The following SLC30A9 variants were observed in gnomAD, a reference collection of about 807,000 sequenced individuals.
SLC30A9 encodes the protein proton-coupled zinc antiporter SLC30A9, mitochondrial.
SLC30A9 carries 58 observed loss-of-function variants against 87.5 expected under a neutral mutation model. The observed-to-expected ratio is 0.66, with a 90% CI of 0.54 to 0.82. The LOEUF (loss-of-function observed/expected upper bound fraction) is 0.82, where lower values mean the gene tolerates loss of function less well. Among genes scored for constraint, SLC30A9 ranks in the 40% least tolerant of loss-of-function variants. SLC30A9 has a pLI of 0.00. For missense variants in SLC30A9, 557 were observed against 679.1 expected (o/e 0.82, Z 2.00); for synonymous variants, 234 against 233.0 (o/e 1.00, Z -0.04).
Position 42,037,817 on chromosome 4 carries a change from A to G in SLC30A9, c.670-1169A>G, listed in dbSNP as rs533616093. The stretch of plus-strand genomic sequence containing the variant: ...TTTTATTTTATTTTTGAGACAGAGT[A>G]TTGCTGTGTTGCCCACGATCTCAGC... On this transcript the variant is annotated intron_variant, in intron 7 of 17. Coordinates refer to ENST00000264451, the MANE Select transcript of SLC30A9 (RefSeq NM_006345.4). 2.6e-5 allele frequency among the ~76,000 whole-genome samples: 4 copies of G among 152,202 alleles called. No individual in the cohort carries two copies. The East Asian group carries it at 7.7e-4, about 29-fold the overall frequency.
chr4:42,010,728 A>G (rs1715403728), intron 2 of SLC30A9, among the ~76,000 whole-genome samples: 1 of 152,212 alleles, frequency 6.6e-6, no homozygotes, highest in African/African-American at 2.4e-5. Flanking sequence ...GTGAATACAT[A>G]CTTTGAGGCA....
At chr4:42,070,304 A>C (rs1419097973) in intron 14 of SLC30A9, 2 of 420,978 alleles carry the variant, frequency 4.8e-6, no homozygotes, top group Admixed American at 7.4e-5. Context: ...TACAAGTAAG[A>C]GATCTTAATT....
intron 8 of SLC30A9, among the ~76,000 whole-genome samples, chr4:42,043,060 AC>A (rs1716988113): frequency 6.6e-6 from 1 of 152,066 alleles, no homozygotes; most frequent in African/African-American, 2.4e-5. Flanking sequence ...CCACACAAAA[AC>A]CCCATCCAAA....
intron 2 of SLC30A9, among the ~76,000 whole-genome samples, chr4:42,007,616 G>A (rs919548214): frequency 4.7e-5 from 7 of 149,990 alleles, no homozygotes; most frequent in Non-Finnish European, 7.4e-5. Context: ...CCGGAGCCGG[G>A]CATGGTGGCA....
intron 11 of SLC30A9, among the ~76,000 whole-genome samples, chr4:42,063,784 C>T (rs910053924): frequency 6.6e-6 from 1 of 152,008 alleles, no homozygotes; most frequent in African/African-American, 2.4e-5. Flanking sequence ...TTGGAGATTA[C>T]CCTGCTTGGC....
intron 17 of SLC30A9, 79 bp downstream of exon 17, chr4:42,078,404 T>G: frequency 1.4e-6 from 1 of 721,956 alleles, no homozygotes; most frequent in Non-Finnish European, 2.4e-6. Flanking sequence ...AGACACTAAG[T>G]GCATCCATCA....
At chr4:42,028,230 G>C (rs1278953176) in intron 6 of SLC30A9, among the ~76,000 whole-genome samples, 2 of 152,176 alleles carry the variant, frequency 1.3e-5, no homozygotes, top group African/African-American at 4.8e-5. Flanking sequence ...TGATTCTCCT[G>C]CCTCAGCCTC....
intron 1 of SLC30A9, among the ~76,000 whole-genome samples, chr4:41,997,128 AGTT>A (rs1011042823): frequency 6.0e-5 from 9 of 150,796 alleles, no homozygotes; most frequent in Non-Finnish European, 1.0e-4. Context: ...CAGTCTAGGA[AGTT>A]GTCATCATCT....
chr4:42,085,003 A>G (rs1307225404), intron 17 of SLC30A9, among the ~76,000 whole-genome samples: 1 of 152,202 alleles, frequency 6.6e-6, no homozygotes, highest in Non-Finnish European at 1.5e-5. Flanking sequence ...ATTGAATTGA[A>G]GTTCCTTAAG....
intron 16 of SLC30A9, among the ~76,000 whole-genome samples, chr4:42,076,898 G>C (rs1418857836): frequency 6.8e-6 from 1 of 148,102 alleles, no homozygotes; most frequent in Non-Finnish European, 1.5e-5. Flanking sequence ...GGAGTTGGAG[G>C]TTGCAGTGAG....
At chr4:42,033,657 C>A (rs185482531) in intron 6 of SLC30A9, among the ~76,000 whole-genome samples, 1 of 152,060 alleles carries the variant, frequency 6.6e-6, no homozygotes, top group East Asian at 1.9e-4. Context: ...CTCACTGCAA[C>A]CTCCGCCTCC....
intron 7 of SLC30A9, among the ~76,000 whole-genome samples, chr4:42,036,311 C>T (rs2153137137): frequency 6.6e-6 from 1 of 152,050 alleles, no homozygotes; most frequent in Admixed American, 6.5e-5. Flanking sequence ...AATTTACTAA[C>T]TCATCTACAC....
rs537213642 is a variant in SLC30A9, at chr4:42,027,312, TG to T, written c.610+3930del. ...TGATCTTTTATTTACATATTGTCTG[TG>T]GCTGCCTTTGCACTACCAACAGCAG... On this transcript the variant is annotated intron_variant, in intron 6 of 17. Transcript: ENST00000264451. 6.6e-5 allele frequency among the ~76,000 whole-genome samples: 10 copies of T among 152,360 alleles called. No individual in the cohort carries two copies. In the East Asian group the frequency reaches 1.9e-3, roughly 29 times the overall value.
At chr4:42,025,884 AC>A (rs1716172014) in intron 6 of SLC30A9, among the ~76,000 whole-genome samples, 1 of 151,702 alleles carries the variant, frequency 6.6e-6, no homozygotes, top group Non-Finnish European at 1.5e-5. Context: ...CGATCTCCTG[AC>A]CTCGTCATCC....
intron 7 of SLC30A9, 40 bp downstream of exon 7, chr4:42,035,373 ACAG>A: frequency 6.3e-7 from 1 of 1,589,076 alleles, no homozygotes; most frequent in Non-Finnish European, 8.6e-7. Flanking sequence ...TTTGTGTTGC[ACAG>A]CAAAATTCTA....
intron 6 of SLC30A9, among the ~76,000 whole-genome samples, chr4:42,028,347 C>T (rs1313422934): frequency 6.6e-6 from 1 of 152,214 alleles, no homozygotes; most frequent in African/African-American, 2.4e-5. Context: ...TCTCCATCTC[C>T]TGATCTTGTG....
intron 17 of SLC30A9, among the ~76,000 whole-genome samples, chr4:42,082,847 C>CA (rs1210396427): frequency 0.027 from 1,899 of 71,556 alleles, 31 homozygotes; most frequent in African/African-American, 0.079. Flanking sequence ...GACTCCATCT[C>CA]AAAAAAAAAA....
At chr4:42,084,005 C>T (rs1214675199) in intron 17 of SLC30A9, among the ~76,000 whole-genome samples, 2 of 152,076 alleles carry the variant, frequency 1.3e-5, no homozygotes, top group East Asian at 1.9e-4. Flanking sequence ...CAATATTCTG[C>T]CAGATTTTGT....
chr4:42,086,125 G>A lies in SLC30A9; in HGVS notation c.1706G>A (p.Ter569=). ...EVRHVDLEIL[*] is the part of the protein sequence containing the mutation. ...CGACATGTAGATTTGGAGATACTGT[G>A]AGTTTGATGGAATGAATCACCTGGG... is the stretch of plus-strand genomic sequence containing the variant. The change falls in exon 18 of 18, where the codon TGA becomes TAA. Residue 569 remains the stop codon, a stop_retained_variant. Coordinates refer to ENST00000264451, the MANE Select transcript of SLC30A9 (RefSeq NM_006345.4). 1 of 1,515,414 alleles carries A rather than the reference G, an allele frequency of 6.6e-7. No individual in the cohort carries two copies. The highest frequency in any genetic ancestry group is 8.9e-7 in the Non-Finnish European group (1 of 1,117,686). 93.9% of individuals were successfully genotyped at this position (1,515,414 alleles called of 1,614,324 possible). A position where few individuals can be genotyped will look rare whatever the true frequency, so the allele number is the denominator to read the frequency against.
Sources: allele counts gnomAD v4.1 joint callset (sites outside exome capture counted in the v4.1 genomes callset), GRCh38; gene constraint gnomAD v4.1.1; transcripts MANE v1.5; gene names NCBI Gene and HGNC (gene_info 2026-07-23, HGNC 2026-07-21).